The following KLHL29 variants were observed in gnomAD, a reference collection of about 807,000 sequenced individuals.
KLHL29 encodes kelch like family member 29.
In KLHL29, 21 loss-of-function variants were observed where a neutral mutation model predicts 80.4. That is an observed-to-expected ratio of 0.26 (90% CI 0.19 to 0.38). The LOEUF is 0.38. Ranked by LOEUF, KLHL29 falls within the 10% of genes least tolerant of loss-of-function variation. KLHL29 has a pLI of 1.00. For synonymous variants in KLHL29, 511 were observed against 526.8 expected (o/e 0.97, Z 0.41); for missense variants, 867 against 1,223.9 (o/e 0.71, Z 4.35).
Position 23,562,106 on chromosome 2 carries a change from C to A in KLHL29, c.-45-46C>A. ...TCATGGATGCTGTCAGTTGTCGCTG[C>A]CTGCTCCAGTCCTAAATCACCCTTC... On this transcript the variant is annotated intron_variant, in intron 2 of 13. Transcript: ENST00000486442. The surrounding 1 kb of genome is among the most constrained non-coding windows in gnomAD (Gnocchi z 4.5). 2 of 1,464,530 alleles carry A rather than the reference C, an allele frequency of 1.4e-6. No individual in the cohort carries two copies. The highest frequency in any genetic ancestry group is 9.2e-7 in the Non-Finnish European group (1 of 1,083,802). The allele number at this position is 1,464,530 out of a possible 1,614,324, so 90.7% of individuals were successfully genotyped here.
At chr2:23,654,877 C>T (rs971331228) in intron 5 of KLHL29, among the ~76,000 whole-genome samples, 1 of 152,222 alleles carries the variant, frequency 6.6e-6, no homozygotes, top group African/African-American at 2.4e-5. Flanking sequence ...TCAAGACTGC[C>T]TGCCTCCAGT....
intron 1 of KLHL29, among the ~76,000 whole-genome samples, chr2:23,392,046 A>C (rs945717292): frequency 6.6e-6 from 1 of 152,180 alleles, no homozygotes; most frequent in African/African-American, 2.4e-5. Context: ...ACCCAGCCTC[A>C]GTTTTCTTTT....
At chr2:23,638,124 CAATAA>C (rs1395879925) in intron 3 of KLHL29, among the ~76,000 whole-genome samples, 2 of 117,778 alleles carry the variant, frequency 1.7e-5, no homozygotes, top group African/African-American at 6.2e-5. Context: ...AAAGTATAGA[CAATAA>C]AATAAGTTAC....
intron 3 of KLHL29, among the ~76,000 whole-genome samples, chr2:23,638,099 A>AAAAAAAT (rs1553348467): frequency 4.6e-5 from 7 of 151,296 alleles, no homozygotes; most frequent in African/African-American, 1.5e-4. Context: ...AAAAAAAAAA[A>AAAAAAAT]AAGACAAATA....
At chr2:23,521,000 C>A (rs1016063788) in intron 2 of KLHL29, among the ~76,000 whole-genome samples, 6 of 151,822 alleles carry the variant, frequency 4.0e-5, no homozygotes, top group South Asian at 4.2e-4. Flanking sequence ...CCACCCCCCC[C>A]CCCGCTCCCC....
At chr2:23,469,126 T>G (rs1664428916) in intron 1 of KLHL29, among the ~76,000 whole-genome samples, 2 of 152,188 alleles carry the variant, frequency 1.3e-5, no homozygotes, top group African/African-American at 4.8e-5. Context: ...CCCAGGAGTG[T>G]CAGGGAGAGT....
rs144892249 is a variant in KLHL29 at position 23,612,584 on chromosome 2, A to C, written c.286-26555A>C. Among the ~76,000 whole-genome samples the C allele has an allele frequency of 4.3e-3, 657 of 152,202 alleles. 5 individuals carry two copies. The highest frequency in any genetic ancestry group is 0.015 in the African/African-American group (632 of 41,514). On this transcript the variant is annotated intron_variant, in intron 3 of 13. Transcript: ENST00000486442. ...TGGAGAAACCATGTCTCTACTAAAA[A>C]TACAAAAATTAGGTGGTCATGGTGG...
chr2:23,483,169 C>T (rs949391124), intron 2 of KLHL29, among the ~76,000 whole-genome samples: 2 of 152,088 alleles, frequency 1.3e-5, no homozygotes, highest in Non-Finnish European at 1.5e-5. Flanking sequence ...AGATAAAAAC[C>T]CCTGACCCAG....
At chr2:23,676,217 C>T (rs760103172) in intron 5 of KLHL29, among the ~76,000 whole-genome samples, 2 of 151,880 alleles carry the variant, frequency 1.3e-5, no homozygotes, top group African/African-American at 4.9e-5. Context: ...AGAGTCTGCT[C>T]TGTCGCCTGG....
intron 2 of KLHL29, among the ~76,000 whole-genome samples, chr2:23,496,196 C>T (rs1051501525): frequency 7.2e-5 from 11 of 152,338 alleles, no homozygotes; most frequent in Non-Finnish European, 1.3e-4. Context: ...GTTCCTGGAG[C>T]CAAACTGATC....
intron 1 of KLHL29, among the ~76,000 whole-genome samples, chr2:23,409,456 C>T (rs1344305865): frequency 6.6e-6 from 1 of 152,220 alleles, no homozygotes; most frequent in African/African-American, 2.4e-5. Flanking sequence ...TGCGTTTCCT[C>T]CGTTGGACGA....
chr2:23,602,144 T>G (rs576585678), intron 3 of KLHL29, among the ~76,000 whole-genome samples: 1 of 152,288 alleles, frequency 6.6e-6, no homozygotes, highest in East Asian at 1.9e-4. Flanking sequence ...CCACTGCTCA[T>G]TTTCCCCAGA....
chr2:23,684,329 ACT>A lies in KLHL29; in HGVS notation c.941-69_941-68del. ...TCTACTTCTTGAAAAAAGAAAAAAA[ACT>A]TTTTTTAATTAAAAAAAAAAAAACT... On this transcript the variant is annotated intron_variant, in intron 5 of 13. Coordinates refer to ENST00000486442, the MANE Select transcript of KLHL29 (RefSeq NM_052920.2). This position sits in a 1 kb window ranked among gnomAD's most constrained non-coding sequence, Gnocchi z 4.4. 1 of 1,195,258 alleles carries A rather than the reference ACT, an allele frequency of 8.4e-7. No homozygotes were observed. 74.0% of individuals were successfully genotyped at this position (1,195,258 alleles called of 1,614,324 possible). A position where few individuals can be genotyped will look rare whatever the true frequency, so the allele number is the denominator to read the frequency against.
intron 1 of KLHL29, among the ~76,000 whole-genome samples, chr2:23,422,456 G>A (rs1019888193): frequency 6.7e-6 from 1 of 148,968 alleles, no homozygotes; most frequent in African/African-American, 2.5e-5. Flanking sequence ...TGTGTGTTGT[G>A]TGTCTTTTTG....
intron 11 of KLHL29, among the ~76,000 whole-genome samples, chr2:23,701,476 G>C (rs1343691916): frequency 2.6e-5 from 4 of 152,198 alleles, no homozygotes; most frequent in African/African-American, 9.7e-5. Flanking sequence ...ACTTTAGGAG[G>C]CCAAGGTGGG....
intron 1 of KLHL29, among the ~76,000 whole-genome samples, chr2:23,431,763 G>A (rs1203637487): frequency 5.3e-5 from 8 of 151,672 alleles, no homozygotes; most frequent in African/African-American, 1.9e-4. Flanking sequence ...GCGTTGTGGC[G>A]GGCGCCTGTA....
chr2:23,707,849 AC>A lies in KLHL29; in HGVS notation c.*1187del. 6.6e-6 allele frequency: 1 copy of A among 152,412 alleles called. No individual in the cohort carries two copies. The highest frequency in any genetic ancestry group is 1.9e-4 in the East Asian group (1 of 5,186). The allele number at this position is 152,412 out of a possible 1,614,324, so 9.4% of individuals were successfully genotyped here. A position where few individuals can be genotyped will look rare whatever the true frequency, so the allele number is the denominator to read the frequency against. On this transcript the variant is annotated 3_prime_UTR_variant, in exon 14 of 14. Transcript: ENST00000486442. The stretch of plus-strand genomic sequence containing the variant: ...AGCAAGGCCTGAGGGCATGAACAGA[AC>A]CACTCTTCTTGTCACATACGAACCT...
chr2:23,525,734 C>CA (rs1296836412), intron 2 of KLHL29, among the ~76,000 whole-genome samples: 4 of 45,974 alleles, frequency 8.7e-5, no homozygotes, highest in Non-Finnish European at 1.2e-4. Context: ...CTGCCCCCCC[C>CA]CCCCACCCGA....
At chr2:23,398,069 CA>C (rs1393739180) in intron 1 of KLHL29, among the ~76,000 whole-genome samples, 6 of 152,210 alleles carry the variant, frequency 3.9e-5, no homozygotes, top group African/African-American at 1.4e-4. Context: ...AAAAATTAAA[CA>C]TAGAATTATC....
Sources: allele counts gnomAD v4.1 joint callset (sites outside exome capture counted in the v4.1 genomes callset), GRCh38; gene constraint gnomAD v4.1.1; non-coding constraint Gnocchi (gnomAD v3.1); transcripts MANE v1.5; gene names NCBI Gene and HGNC (gene_info 2026-07-23, HGNC 2026-07-21).